MSH3: variants seen among roughly 807,000 people sequenced by gnomAD.
MSH3 encodes mutS homolog 3.
In MSH3, 106 loss-of-function variants were observed where a neutral mutation model predicts 123.3. The observed-to-expected ratio is 0.86, with a 90% CI of 0.73 to 1.01. The LOEUF is 1.01. Among genes scored for constraint, MSH3 ranks in the 50% least tolerant of loss-of-function variants. MSH3 has a pLI of 0.00. For synonymous variants in MSH3, 515 were observed against 481.4 expected, an observed-to-expected ratio of 1.07 and a Z score of -0.91; for missense variants, 1,459 against 1,347.6, an observed-to-expected ratio of 1.08 and a Z score of -1.29.
At chr5:80,756,947 A>C (rs26781) in intron 12 of MSH3, among the ~76,000 whole-genome samples, 1 of 152,018 alleles carries the variant, frequency 6.6e-6, no homozygotes, top group African/African-American at 2.4e-5. Flanking sequence ...CACATGACCA[A>C]TGTGTTAATG....
At chr5:80,842,915 G>C (rs1745652570) in intron 20 of MSH3, among the ~76,000 whole-genome samples, 1 of 152,052 alleles carries the variant, frequency 6.6e-6, no homozygotes, top group Non-Finnish European at 1.5e-5. Context: ...TTGCCTGATT[G>C]CCCTAGCCAG....
intron 20 of MSH3, among the ~76,000 whole-genome samples, chr5:80,853,853 T>C (rs995862426): frequency 6.6e-6 from 1 of 152,176 alleles, no homozygotes; most frequent in African/African-American, 2.4e-5. Context: ...TTTGGATTTA[T>C]TAGTGAGAAA....
At chr5:80,728,444 G>T (rs148267788) in intron 9 of MSH3, among the ~76,000 whole-genome samples, 1 of 152,030 alleles carries the variant, frequency 6.6e-6, no homozygotes, top group African/African-American at 2.4e-5. Context: ...TAAGTACTAC[G>T]CTGTTAATGT....
intron 13 of MSH3, among the ~76,000 whole-genome samples, chr5:80,765,311 TA>T (rs968330497): frequency 3.4e-4 from 52 of 152,224 alleles, no homozygotes; most frequent in African/African-American, 1.2e-3. Flanking sequence ...TTACTTTTGT[TA>T]AAAGGTATCA....
intron 22 of MSH3, among the ~76,000 whole-genome samples, chr5:80,871,931 T>G (rs1430635582): frequency 6.6e-6 from 1 of 152,138 alleles, no homozygotes; most frequent in Non-Finnish European, 1.5e-5. Flanking sequence ...GATGTGGTCT[T>G]GGGTGAAGCC....
rs2112866722 is a variant in MSH3 at position 80,741,458 on chromosome 5, T to C, written c.1569-6T>C. On this transcript the variant is annotated splice_region_variant and splice_polypyrimidine_tract_variant and intron_variant, in intron 10 of 23. Transcript: ENST00000265081. Reference sequence around the variant, plus strand: ...TCTAGGCTAATTATATTTGATTCTTTTACAGGAATTTTAAACAGCTATCAA... The same window carrying C: ...TCTAGGCTAATTATATTTGATTCTTCTACAGGAATTTTAAACAGCTATCAA... 6.5e-7 allele frequency: 1 copy of C among 1,532,602 alleles called. No homozygotes were observed. Among genetic ancestry groups the C allele is most frequent in the South Asian group, 1.1e-5 (1 of 89,472 alleles). 94.9% of individuals were successfully genotyped at this position (1,532,602 alleles called of 1,614,324 possible). A position where few individuals can be genotyped will look rare whatever the true frequency, so the allele number is the denominator to read the frequency against.
At chr5:80,746,955 A>G (rs1308027536) in intron 12 of MSH3, 1 of 158,274 alleles carries the variant, frequency 6.3e-6, no homozygotes, top group Non-Finnish European at 1.4e-5. Context: ...TTTCAGATTT[A>G]GTGGGTCACT....
intron 8 of MSH3, among the ~76,000 whole-genome samples, chr5:80,684,001 T>C (rs1000867687): frequency 1.5e-4 from 23 of 152,168 alleles, no homozygotes; most frequent in African/African-American, 5.5e-4. Context: ...TGTAGATGTA[T>C]GGATTTATTT....
chr5:80,821,236 T>C (rs1745201343), intron 20 of MSH3, among the ~76,000 whole-genome samples: 1 of 152,196 alleles, frequency 6.6e-6, no homozygotes, highest in Non-Finnish European at 1.5e-5. Flanking sequence ...ACTCAGTTAT[T>C]TCAGTGTCTT....
chr5:80,795,888 A>G (rs1344290867), intron 19 of MSH3, among the ~76,000 whole-genome samples: 1 of 151,928 alleles, frequency 6.6e-6, no homozygotes, highest in Middle Eastern at 3.4e-3. Flanking sequence ...GCGCCTCCCT[A>G]TGATTCCAGC....
At position 80,768,989 on chromosome 5, in the gene MSH3, G is replaced by C; in HGVS notation, c.2239G>C (p.Val747Leu). Reference sequence around the variant, plus strand: ...AAATCCTTCTGCACAATATGTGACAGTATCAGGACAGGAGGTAATGTCAAG... The same window carrying C: ...AAATCCTTCTGCACAATATGTGACACTATCAGGACAGGAGGTAATGTCAAG... Reference protein sequence around the residue: ...LKNPSAQYVTVSGQEFMIEIK... With the variant: ...LKNPSAQYVTLSGQEFMIEIK... Residue 747 changes from valine (V) to leucine (L), a missense_variant, in exon 15 of 24, where the codon GTA becomes CTA. Physicochemically the swap from Val to Leu is conservative, Grantham distance 32 (BLOSUM62 1). Transcript: ENST00000265081. 1.2e-6 allele frequency: 2 copies of C among 1,612,666 alleles called. No individual in the cohort carries two copies. The highest frequency in any genetic ancestry group is 8.5e-7 in the Non-Finnish European group (1 of 1,179,048).
At chr5:80,746,471 G>T in intron 12 of MSH3, 1 of 501,918 alleles carries the variant, frequency 2.0e-6, no homozygotes, top group Non-Finnish European at 4.0e-6. Flanking sequence ...ACAGTCTTGT[G>T]TGTAACATCA....
intron 9 of MSH3, among the ~76,000 whole-genome samples, chr5:80,726,364 G>C (rs111562828): frequency 0.01 from 1,531 of 152,322 alleles, 25 homozygotes; most frequent in African/African-American, 0.035. Context: ...TTAAGCATCA[G>C]TGTCTAGTTA....
At chr5:80,790,933 T>C (rs1006327222) in intron 18 of MSH3, among the ~76,000 whole-genome samples, 3 of 152,174 alleles carry the variant, frequency 2.0e-5, no homozygotes, top group Non-Finnish European at 4.4e-5. Flanking sequence ...TCAGAAAATA[T>C]CCTAGGTGAA....
At chr5:80,804,417 C>G (rs1216009761) in intron 19 of MSH3, among the ~76,000 whole-genome samples, 2 of 152,202 alleles carry the variant, frequency 1.3e-5, no homozygotes, top group Non-Finnish European at 2.9e-5. Context: ...CTTGGGAAGG[C>G]TTTCCAAGTA....
At chr5:80,799,094 C>T (rs1370216128) in intron 19 of MSH3, among the ~76,000 whole-genome samples, 1 of 152,128 alleles carries the variant, frequency 6.6e-6, no homozygotes, top group Non-Finnish European at 1.5e-5. Context: ...ACTTGCTGGG[C>T]CTTAGTTTCC....
At chr5:80,845,220 A>G (rs1477459776) in intron 20 of MSH3, among the ~76,000 whole-genome samples, 1 of 152,208 alleles carries the variant, frequency 6.6e-6, no homozygotes, top group Non-Finnish European at 1.5e-5. Context: ...AGAGTGTTGA[A>G]TATTGGCCCC....
At chr5:80,683,731 C>A (rs1479812901) in intron 8 of MSH3, among the ~76,000 whole-genome samples, 1 of 152,018 alleles carries the variant, frequency 6.6e-6, no homozygotes, top group Admixed American at 6.6e-5. Flanking sequence ...TCCATCTTTG[C>A]TTTGGTTGCC....
chr5:80,854,280 C>T lies in MSH3; in HGVS notation c.2964C>T (p.Ala988=), dbSNP rs1580091611. The stretch of plus-strand genomic sequence containing the variant: ...GGACGAGCACTCATGATGGAATTGC[C>T]ATTGCCTATGCTACACTTGAGTATT... The part of the protein sequence containing the change: ...GRGTSTHDGI[A]IAYATLEYFI... The change falls in exon 21 of 24, where the codon GCC becomes GCT. Residue 988 remains alanine, a synonymous_variant. Transcript: ENST00000265081. The T allele has an allele frequency of 7.4e-6, 12 of 1,613,872 alleles. No individual in the cohort carries two copies. Among genetic ancestry groups the T allele is most frequent in the Non-Finnish European group, 1.0e-5 (12 of 1,179,876 alleles).
Sources: allele counts gnomAD v4.1 joint callset (sites outside exome capture counted in the v4.1 genomes callset), GRCh38; gene constraint gnomAD v4.1.1; transcripts MANE v1.5; gene names NCBI Gene and HGNC (gene_info 2026-07-23, HGNC 2026-07-21).